The following CCDC40 variants were observed in gnomAD, a reference collection of about 807,000 sequenced individuals.
The protein encoded by CCDC40 is coiled-coil domain-containing protein 40.
A neutral mutation model predicts 124.5 loss-of-function variants in CCDC40; 104 were observed. The ratio of observed to expected loss-of-function variants is 0.84; its 90% CI spans 0.71 to 0.98. CCDC40 has a LOEUF of 0.98. Among genes scored for constraint, CCDC40 ranks in the 50% least tolerant of loss-of-function variants. The pLI is 0.00. For missense variants in CCDC40, 1,463 were observed against 1,503.9 expected, an observed-to-expected ratio of 0.97 and a Z score of 0.45; for synonymous variants, 580 against 602.9, an observed-to-expected ratio of 0.96 and a Z score of 0.56.
chr17:80,048,035 G>T (rs2037475671), intron 4 of CCDC40, among the ~76,000 whole-genome samples: 1 of 152,242 alleles, frequency 6.6e-6, no homozygotes, highest in Non-Finnish European at 1.5e-5. Context: ...AAGGCCGGTG[G>T]ATCACCTGAG....
chr17:80,060,236 A>G (rs1447286673), intron 9 of CCDC40, among the ~76,000 whole-genome samples: 1 of 151,988 alleles, frequency 6.6e-6, no homozygotes, highest in East Asian at 1.9e-4. Flanking sequence ...GCCGCACCAA[A>G]TATTAAAGTA....
intron 17 of CCDC40, among the ~76,000 whole-genome samples, chr17:80,091,895 T>C (rs2038730709): frequency 6.6e-6 from 1 of 152,196 alleles, no homozygotes; most frequent in Non-Finnish European, 1.5e-5. Context: ...CAGTCATATC[T>C]GTACCTTCTT....
chr17:80,038,264 C>A, intron 2 of CCDC40, 78 bp downstream of exon 2: 2 of 988,764 alleles, frequency 2.0e-6, no homozygotes, highest in Non-Finnish European at 1.6e-6. Flanking sequence ...GGCACTGTGG[C>A]TCACGCCTGT....
chr17:80,080,435 G>A (rs2038421558), intron 10 of CCDC40, among the ~76,000 whole-genome samples: 2 of 152,276 alleles, frequency 1.3e-5, no homozygotes, highest in African/African-American at 2.4e-5. Flanking sequence ...CTGATTATCC[G>A]ATATCTGTGT....
chr17:80,078,476 T>G (rs1045363040), intron 10 of CCDC40, among the ~76,000 whole-genome samples: 5 of 152,238 alleles, frequency 3.3e-5, no homozygotes, highest in Non-Finnish European at 7.4e-5. Flanking sequence ...ATGAGCGGGG[T>G]CCAGGCTCAG....
At chr17:80,060,250 A>G (rs75367982) in intron 9 of CCDC40, among the ~76,000 whole-genome samples, 6,606 of 152,096 alleles carry the variant, frequency 0.043, 471 homozygotes, top group African/African-American at 0.15. Context: ...TAAAGTATAC[A>G]GTAAAGCTCT....
chr17:80,097,520 C>T, intron 19 of CCDC40, 117 bp downstream of exon 19: 10 of 1,065,814 alleles, frequency 9.4e-6, no homozygotes, highest in South Asian at 1.5e-5. Flanking sequence ...CACGGCCTCT[C>T]CTGATCCCAG....
chr17:80,052,728 A>C (rs1027877389), intron 7 of CCDC40, among the ~76,000 whole-genome samples: 8 of 152,216 alleles, frequency 5.3e-5, no homozygotes, highest in Non-Finnish European at 1.5e-5. Flanking sequence ...ATGAGATTTT[A>C]GAGGACGTTG....
chr17:80,038,283 C>A, intron 2 of CCDC40, 97 bp downstream of exon 2: 3 of 843,094 alleles, frequency 3.6e-6, no homozygotes, highest in Non-Finnish European at 5.9e-6. Flanking sequence ...GTAATCCCAA[C>A]ACTTTGGGAG....
chr17:80,036,765 CCG>C, intron 1 of CCDC40, 74 bp downstream of exon 1: 1 of 1,384,782 alleles, frequency 7.2e-7, no homozygotes, highest in South Asian at 1.4e-5. Context: ...CAGGTGGCCC[CCG>C]CGTCGGCTCC....
In CCDC40 at chr17:80,081,571, A is replaced by G. The variant is rs779040745; in HGVS notation, c.1588A>G (p.Thr530Ala). ...AGGATGCCAGCATCAAGCCAAATCC[A>G]CCGACGGCGAGATTGAGGCCTATAA... ...LRGCQHQAKS[T>A]DGEIEAYKKS... The change falls in exon 11 of 20, where the codon ACC (threonine) becomes GCC (alanine). Residue 530 changes from threonine to alanine, a missense_variant. Physicochemically the swap from Thr to Ala is moderately conservative, Grantham distance 58. Coordinates refer to ENST00000397545, the MANE Select transcript of CCDC40 (RefSeq NM_017950.4). 7 of 1,613,834 alleles carry G rather than the reference A, an allele frequency of 4.3e-6. No homozygotes were observed. The South Asian group carries it at 6.6e-5, about 15-fold the overall frequency.
Position 80,047,338 on chromosome 17 carries a change from C to T in CCDC40, c.612C>T (p.Phe204=). The T allele has an allele frequency of 6.2e-7, 1 of 1,613,932 alleles. No individual in the cohort carries two copies. The highest frequency in any genetic ancestry group is 8.5e-7 in the Non-Finnish European group (1 of 1,179,928). The change falls in exon 4 of 20, where the codon TTC becomes TTT. Residue 204 remains phenylalanine (F), a synonymous_variant. Transcript: ENST00000397545. ...QVLPMGVQHR[F]RLSHGSDIES... ...TCCCAATGGGCGTCCAGCACCGCTT[C>T]CGGCTGAGCCACGGGAGCGACATCG...
Position 80,087,275 on chromosome 17 carries a change from C to T in CCDC40, c.2450-332C>T. On this transcript the variant is annotated intron_variant, in intron 14 of 19. Coordinates refer to ENST00000397545, the MANE Select transcript of CCDC40 (RefSeq NM_017950.4). The surrounding 1 kb of genome is among the most constrained non-coding windows in gnomAD (Gnocchi z 4.5). ...GAGCATCAACCAGGTCCCGGTGCTC[C>T]ACAGATTTGCAAGTGTCTGGGGGAG... 1 of 416,524 alleles carries T rather than the reference C, an allele frequency of 2.4e-6. No homozygotes were observed. Among genetic ancestry groups the T allele is most frequent in the East Asian group, 5.3e-5 (1 of 18,858 alleles). The allele number at this position is 416,524 out of a possible 1,614,324, so 25.8% of individuals were successfully genotyped here. A position where few individuals can be genotyped will look rare whatever the true frequency, so the allele number is the denominator to read the frequency against.
intron 16 of CCDC40, 102 bp from the exon 17 acceptor site, chr17:80,089,662 G>A: frequency 7.1e-7 from 1 of 1,399,324 alleles, no homozygotes; most frequent in Non-Finnish European, 1.0e-6. Flanking sequence ...GCTTGGCTCT[G>A]CCATTGCAGC....
intron 1 of CCDC40, 198 bp from the exon 2 acceptor site, chr17:80,037,925 T>G: frequency 1.8e-6 from 1 of 543,606 alleles, no homozygotes; most frequent in East Asian, 3.4e-5. Context: ...GGAGCTTTGC[T>G]TTTGTGGCAT....
chr17:80,058,886 G>C lies in CCDC40; in HGVS notation c.1346G>C (p.Arg449Pro). 1 of 1,614,106 alleles carries C rather than the reference G, an allele frequency of 6.2e-7. No homozygotes were observed. The highest frequency in any genetic ancestry group is 1.6e-4 in the Middle Eastern group (1 of 6,062). The change falls in exon 9 of 20, where the codon CGA (arginine) becomes CCA (proline). Residue 449 changes from arginine to proline, a missense_variant. Physicochemically the swap from Arg to Pro is moderately radical, Grantham distance 103. Coordinates refer to ENST00000397545, the MANE Select transcript of CCDC40 (RefSeq NM_017950.4). This position sits in a 1 kb window ranked among gnomAD's most constrained non-coding sequence, Gnocchi z 4.2. ...CTGTATGTGGACCAGCTCACCACTC[G>C]AGCCCAGCAACTGGAAGAAGACATT... is the stretch of plus-strand genomic sequence containing the variant. ...QDLYVDQLTT[R>P]AQQLEEDIAL...
At chr17:80,092,701 T>A (rs1243491471) in intron 17 of CCDC40, among the ~76,000 whole-genome samples, 2 of 152,088 alleles carry the variant, frequency 1.3e-5, no homozygotes, top group Non-Finnish European at 2.9e-5. Context: ...GCCTTGACCT[T>A]GTGGGCTCAA....
At chr17:80,073,360 C>T (rs1432086719) in intron 10 of CCDC40, among the ~76,000 whole-genome samples, 7 of 152,214 alleles carry the variant, frequency 4.6e-5, no homozygotes, top group Non-Finnish European at 1.0e-4. Context: ...TCCAGCGGTG[C>T]GTGCTCACTT....
intron 9 of CCDC40, among the ~76,000 whole-genome samples, 154 bp downstream of exon 9, chr17:80,059,134 G>A (rs960870844): frequency 6.6e-6 from 1 of 152,170 alleles, no homozygotes; most frequent in Non-Finnish European, 1.5e-5. Flanking sequence ...CCCCATGGTG[G>A]GGCCACAGTA....
Sources: gnomAD v4.1 joint callset for allele counts (sites outside exome capture counted in the v4.1 genomes callset) on GRCh38, gnomAD v4.1.1 for gene constraint, Gnocchi (gnomAD v3.1) non-coding constraint, MANE v1.5 for transcripts, NCBI Gene and HGNC (gene_info 2026-07-23, HGNC 2026-07-21) for gene names.